Variants in LYRM4 observed in about 807,000 individuals in gnomAD.
LYRM4 encodes the protein LYR motif containing 4.
In LYRM4, 9 loss-of-function variants were observed where a neutral mutation model predicts 11.7. That is an observed-to-expected ratio of 0.77 (90% CI 0.46 to 1.34). LYRM4 has a LOEUF of 1.34. Among genes scored for constraint, LYRM4 ranks in the 40% most tolerant of loss-of-function variants. The pLI, the probability that LYRM4 is intolerant of heterozygous loss-of-function variation, is 0.00. For missense variants in LYRM4, 133 were observed against 112.5 expected, an observed-to-expected ratio of 1.18 and a Z score of -0.82; for synonymous variants, 42 against 40.4, an observed-to-expected ratio of 1.04 and a Z score of -0.15.
At chr6:5,103,686 G>C (rs1762573673), downstream of LYRM4, 2 of 145,878 alleles carry the variant, frequency 1.4e-5, no homozygotes, top group Non-Finnish European at 1.5e-5. Context: ...ACCCAGGCTG[G>C]AGTTCAGTGG....
chr6:5,125,286 A>C (rs1168968816), intron 2 of LYRM4, among the ~76,000 whole-genome samples: 1 of 152,168 alleles, frequency 6.6e-6, no homozygotes, highest in Admixed American at 6.5e-5. Flanking sequence ...GCTGGGTGCC[A>C]GGCCCTCCCC....
chr6:5,166,672 T>C (rs1759105732), intron 2 of LYRM4, among the ~76,000 whole-genome samples: 1 of 152,222 alleles, frequency 6.6e-6, no homozygotes, highest in Non-Finnish European at 1.5e-5. Context: ...AACAAATTAT[T>C]GGTCTGGGTT....
the LYRM4 span, among the ~76,000 whole-genome samples, chr6:5,081,391 G>C: frequency 3.3e-5 from 5 of 152,188 alleles, no homozygotes; most frequent in Non-Finnish European, 7.3e-5. Context: ...GCAAGGGGGA[G>C]GACCCGAAGT....
At chr6:5,157,453 A>G (rs1270543609) in intron 2 of LYRM4, among the ~76,000 whole-genome samples, 1 of 152,076 alleles carries the variant, frequency 6.6e-6, no homozygotes, top group Non-Finnish European at 1.5e-5. Context: ...AGTGAACATT[A>G]TGAAATGTTC....
the LYRM4 span, among the ~76,000 whole-genome samples, chr6:5,067,757 T>G: frequency 1.3e-5 from 2 of 152,204 alleles, no homozygotes; most frequent in African/African-American, 2.4e-5. Context: ...GTTACAAATC[T>G]TAATCGTTTT....
chr6:5,066,074 G>A, the LYRM4 span: 563 of 411,202 alleles, frequency 1.4e-3, 4 homozygotes, highest in African/African-American at 0.011. Flanking sequence ...AAATTTCCAT[G>A]AGGAGTCATT....
At chr6:5,186,693 AT>A in intron 2 of LYRM4, 1 of 985,958 alleles carries the variant, frequency 1.0e-6, no homozygotes, top group Non-Finnish European at 1.2e-6. Flanking sequence ...CATAAAAATT[AT>A]AATTGTCTGC....
chr6:5,145,336 G>T (rs551690841), intron 2 of LYRM4, among the ~76,000 whole-genome samples: 1 of 152,342 alleles, frequency 6.6e-6, no homozygotes, highest in South Asian at 2.1e-4. Context: ...GGGGGCACGC[G>T]CCTGTGTAAG....
intron 1 of LYRM4, among the ~76,000 whole-genome samples, chr6:5,245,150 A>G (rs1764131483): frequency 2.9e-5 from 3 of 103,884 alleles, no homozygotes; most frequent in African/African-American, 1.1e-4. Context: ...ATATATATAT[A>G]TATATATATA....
chr6:5,156,114 A>G (rs1387776059), intron 2 of LYRM4, among the ~76,000 whole-genome samples: 2 of 152,244 alleles, frequency 1.3e-5, no homozygotes, highest in African/African-American at 4.8e-5. Context: ...GCTAGAATGA[A>G]TAACCCTTAT....
intron 1 of LYRM4, chr6:5,218,161 C>T (rs1164220485): frequency 1.3e-6 from 1 of 756,844 alleles, no homozygotes; most frequent in Non-Finnish European, 1.6e-6. Flanking sequence ...CCTGCCTTAG[C>T]ATCTCAAGGA....
chr6:5,212,808 T>C (rs906701058), intron 2 of LYRM4, among the ~76,000 whole-genome samples: 13 of 152,166 alleles, frequency 8.5e-5, no homozygotes, highest in African/African-American at 2.7e-4. Flanking sequence ...TCCAAGAATG[T>C]TAAGGAAAGA....
At chr6:5,064,549 A>G in the LYRM4 span, among the ~76,000 whole-genome samples, 2 of 152,110 alleles carry the variant, frequency 1.3e-5, no homozygotes, top group African/African-American at 4.8e-5. Context: ...TATATTTTTT[A>G]AATTCAATTA....
the LYRM4 span, among the ~76,000 whole-genome samples, chr6:5,080,154 A>G: frequency 6.6e-6 from 1 of 152,254 alleles, no homozygotes; most frequent in Admixed American, 6.5e-5. Flanking sequence ...GCACTACTAT[A>G]TGAATGAAGG....
At chr6:5,250,027 T>C (rs1011277520) in intron 1 of LYRM4, among the ~76,000 whole-genome samples, 4 of 152,134 alleles carry the variant, frequency 2.6e-5, no homozygotes, top group African/African-American at 9.7e-5. Context: ...TACAAAAGAG[T>C]ATTATCCTAC....
At chr6:5,216,540 C>T in intron 2 of LYRM4, 78 bp downstream of exon 2, 1 of 1,552,118 alleles carries the variant, frequency 6.4e-7, no homozygotes, top group Non-Finnish European at 8.9e-7. Flanking sequence ...ACACCAAAAG[C>T]ACGGCTGTCT....
intron 2 of LYRM4, among the ~76,000 whole-genome samples, chr6:5,153,549 G>A (rs868331656): frequency 6.6e-6 from 1 of 152,184 alleles, no homozygotes. Context: ...ACCTTCCAGA[G>A]CCTCAGTTTC....
rs532483227 is a variant in LYRM4 at position 5,119,720 on chromosome 6, C to T, written c.208-10229G>A. On this transcript the variant is annotated intron_variant, in intron 2 of 2. Coordinates refer to ENST00000330636, the MANE Select transcript of LYRM4 (RefSeq NM_020408.6). ...AGGAGAAATGCTTGAACCTGGGAGGCAGAGGTTGCAGTGAGCCGAGATTGC... is the reference window on the plus strand; with the variant it reads ...AGGAGAAATGCTTGAACCTGGGAGGTAGAGGTTGCAGTGAGCCGAGATTGC... 7.4e-5 allele frequency among the ~76,000 whole-genome samples: 10 copies of T among 134,576 alleles called. No individual in the cohort carries two copies. The South Asian group carries it at 2.5e-3, about 34-fold the overall frequency. 88.3% of individuals were successfully genotyped at this position (134,576 alleles called of 152,430 possible).
chr6:5,066,033 A>C, the LYRM4 span: 1 of 356,932 alleles, frequency 2.8e-6, no homozygotes, highest in East Asian at 5.8e-5. Flanking sequence ...AAAATATATT[A>C]CAGTTAATAG....
Sources: allele counts gnomAD v4.1 joint callset (sites outside exome capture counted in the v4.1 genomes callset), GRCh38; gene constraint gnomAD v4.1.1; transcripts MANE v1.5; gene names NCBI Gene and HGNC (gene_info 2026-07-23, HGNC 2026-07-21).